Variants in ANO4 observed in about 807,000 individuals in gnomAD.
ANO4 encodes the protein anoctamin 4, also known as anoctamin-4.
Under a neutral mutation model 141.9 loss-of-function variants are expected in ANO4, and 69 were observed. The ratio of observed to expected loss-of-function variants is 0.49; its 90% CI spans 0.40 to 0.59. The LOEUF (loss-of-function observed/expected upper bound fraction) is 0.59. ANO4 is among the 20% of genes least tolerant of loss of function. The pLI is 0.00. For missense variants in ANO4, 894 were observed against 1,162.2 expected (o/e 0.77, Z 3.36); for synonymous variants, 350 against 394.3 (o/e 0.89, Z 1.33).
In ANO4 at chr12:101,106,121, G is replaced by T. The variant is rs186532858; in HGVS notation, c.2150-4283G>T. ...AACTCTGTCTCAAAAAAAAGAAAAA[G>T]AAAAATGAGCAGATTGACTTAGCGT... On this transcript the variant is annotated intron_variant, in intron 22 of 27. Transcript: ENST00000392977. Among the ~76,000 whole-genome samples, 37 of 152,080 alleles carry T rather than the reference G, an allele frequency of 2.4e-4. 1 individual carries two copies. The highest frequency in any genetic ancestry group is 8.7e-4 in the African/African-American group (36 of 41,492).
intron 5 of ANO4, among the ~76,000 whole-genome samples, chr12:100,970,697 CCT>C (rs2043890242): frequency 7.8e-6 from 1 of 127,888 alleles, no homozygotes; most frequent in Admixed American, 8.4e-5. Flanking sequence ...TTCCTTCCTT[CCT>C]TCCTTCCTTC....
chr12:100,923,841 AG>A (rs1296458982), intron 3 of ANO4, among the ~76,000 whole-genome samples: 1 of 152,178 alleles, frequency 6.6e-6, no homozygotes, highest in Non-Finnish European at 1.5e-5. Context: ...AACTTGTGTT[AG>A]ATGGTATCTC....
intron 3 of ANO4, among the ~76,000 whole-genome samples, chr12:100,745,000 CT>C (rs1370133812): frequency 6.6e-6 from 1 of 151,950 alleles, no homozygotes; most frequent in East Asian, 1.9e-4. Flanking sequence ...CCCACCTTTT[CT>C]TCCTCTTTTT....
intron 7 of ANO4, among the ~76,000 whole-genome samples, chr12:100,975,917 A>T (rs1592897523): frequency 9.6e-6 from 1 of 104,160 alleles, no homozygotes; most frequent in South Asian, 3.3e-4. Context: ...TGCCCTTCCT[A>T]CCCTCTTTTC....
At chr12:100,987,698 T>A in intron 8 of ANO4, 28 bp downstream of exon 8, 1 of 1,611,418 alleles carries the variant, frequency 6.2e-7, no homozygotes, top group Non-Finnish European at 8.5e-7. Context: ...AAGCCCCATC[T>A]CACTAAGGAT....
intron 1 of ANO4, among the ~76,000 whole-genome samples, chr12:100,853,340 C>T (rs1201056127): frequency 6.6e-6 from 1 of 151,940 alleles, no homozygotes; most frequent in African/African-American, 2.4e-5. Context: ...ATTGTATGTC[C>T]TGTTTAAGAA....
chr12:100,839,848 A>T (rs1834188161), intron 1 of ANO4, among the ~76,000 whole-genome samples: 1 of 152,164 alleles, frequency 6.6e-6, no homozygotes, highest in Non-Finnish European at 1.5e-5. Flanking sequence ...AATGTGCACT[A>T]ATCTAAAAAG....
At chr12:100,950,804 C>A (rs2042941696) in intron 5 of ANO4, among the ~76,000 whole-genome samples, 1 of 152,088 alleles carries the variant, frequency 6.6e-6, no homozygotes, top group Non-Finnish European at 1.5e-5. Context: ...TTCTGGGTAC[C>A]AGCAGCATAC....
Position 100,970,662 on chromosome 12 carries a change from T to TCGC in ANO4, c.457-643_457-642insGCC, listed in dbSNP as rs1566071683. On this transcript the variant is annotated intron_variant, in intron 5 of 27. Transcript: ENST00000392977. The stretch of plus-strand genomic sequence containing the variant: ...CTCCCTTCCTCCCTCCCTCCCTCCC[T>TCGC]CTCCTTCCTTCCTTCCTTCCTTCCT... 6.4e-3 allele frequency among the ~76,000 whole-genome samples: 230 copies of TCGC among 35,894 alleles called. 4 individuals are homozygous for TCGC. Among genetic ancestry groups the TCGC allele is most frequent in the African/African-American group, 0.012 (137 of 11,232 alleles). The allele number at this position is 35,894 out of a possible 152,430, so 23.5% of individuals were successfully genotyped here. A position where few individuals can be genotyped will look rare whatever the true frequency, so the allele number is the denominator to read the frequency against.
intron 1 of ANO4, among the ~76,000 whole-genome samples, chr12:100,812,550 A>G (rs1371204920): frequency 6.6e-6 from 1 of 150,804 alleles, no homozygotes; most frequent in Non-Finnish European, 1.5e-5. Context: ...TCAGAAGTAA[A>G]GAAGAGGTGG....
intron 2 of ANO4, among the ~76,000 whole-genome samples, chr12:100,734,399 G>A (rs1442241005): frequency 1.3e-5 from 2 of 152,092 alleles, no homozygotes; most frequent in African/African-American, 2.4e-5. Flanking sequence ...TTTTCTTTTG[G>A]TTGAATCCTT....
At chr12:100,960,557 C>G (rs760486030) in intron 5 of ANO4, among the ~76,000 whole-genome samples, 14 of 150,134 alleles carry the variant, frequency 9.3e-5, no homozygotes, top group Non-Finnish European at 2.1e-4. Context: ...ACCTATGTAA[C>G]AAACCTGCAC....
At chr12:100,850,803 T>C (rs1262161202) in intron 1 of ANO4, among the ~76,000 whole-genome samples, 1 of 152,184 alleles carries the variant, frequency 6.6e-6, no homozygotes, top group African/African-American at 2.4e-5. Flanking sequence ...CTTGATTATA[T>C]AGATTTCTTC....
chr12:101,008,817 C>T (rs768945320), intron 8 of ANO4, among the ~76,000 whole-genome samples: 27 of 152,056 alleles, frequency 1.8e-4, no homozygotes, highest in Non-Finnish European at 2.9e-4. Flanking sequence ...TACTCTGGAG[C>T]CTTCTGACAA....
intron 13 of ANO4, 139 bp downstream of exon 13, chr12:101,043,774 A>G (rs1012283298): frequency 7.8e-6 from 5 of 643,886 alleles, no homozygotes; most frequent in African/African-American, 3.6e-5. Context: ...TCCATCATTC[A>G]GTATTCTAAT....
At chr12:100,730,131 G>A (rs1372188183) in intron 1 of ANO4, among the ~76,000 whole-genome samples, 1 of 152,090 alleles carries the variant, frequency 6.6e-6, no homozygotes, top group East Asian at 1.9e-4. Flanking sequence ...GTATAGATCA[G>A]GATAGAGCCC....
chr12:101,061,130 C>T (rs1054956767), intron 14 of ANO4, among the ~76,000 whole-genome samples: 2 of 152,238 alleles, frequency 1.3e-5, no homozygotes, highest in East Asian at 3.9e-4. Flanking sequence ...ATTTCTCCTA[C>T]GCTTACGAAG....
intron 3 of ANO4, among the ~76,000 whole-genome samples, chr12:100,760,662 C>T (rs934875408): frequency 2.0e-5 from 3 of 152,144 alleles, no homozygotes; most frequent in African/African-American, 4.8e-5. Context: ...TCTTGTAAAA[C>T]GTTCAGGTAG....
intron 3 of ANO4, among the ~76,000 whole-genome samples, chr12:100,741,095 T>C (rs1390144231): frequency 6.6e-6 from 1 of 152,226 alleles, no homozygotes; most frequent in Non-Finnish European, 1.5e-5. Context: ...GAAATGGCCA[T>C]GCAAGGATGG....
Sources: gnomAD v4.1 joint callset for allele counts (sites outside exome capture counted in the v4.1 genomes callset) on GRCh38, gnomAD v4.1.1 for gene constraint, MANE v1.5 for transcripts, NCBI Gene and HGNC (gene_info 2026-07-23, HGNC 2026-07-21) for gene names.